The following SLC35F3 variants were observed in gnomAD, a reference collection of about 807,000 sequenced individuals.
SLC35F3 encodes the protein putative thiamine transporter SLC35F3.
A neutral mutation model predicts 49.9 loss-of-function variants in SLC35F3; 25 were observed. The observed-to-expected ratio is 0.50, with a 90% CI of 0.37 to 0.70. SLC35F3 has a LOEUF of 0.70. Ranked by LOEUF, SLC35F3 falls within the 30% of genes least tolerant of loss-of-function variation. The pLI is 0.00. For synonymous variants in SLC35F3, 275 were observed against 265.4 expected, an observed-to-expected ratio of 1.04 and a Z score of -0.35; for missense variants, 525 against 639.8, an observed-to-expected ratio of 0.82 and a Z score of 1.94.
intron 2 of SLC35F3, among the ~76,000 whole-genome samples, chr1:234,117,602 A>G (rs1166945301): frequency 5.5e-5 from 8 of 144,588 alleles, no homozygotes; most frequent in Admixed American, 1.4e-4. Context: ...AAAAAAAAAA[A>G]CAGGCTGGGC....
At chr1:234,206,408 G>T (rs763932992) in intron 2 of SLC35F3, among the ~76,000 whole-genome samples, 40 of 147,892 alleles carry the variant, frequency 2.7e-4, no homozygotes, top group Admixed American at 1.4e-4. Flanking sequence ...CACCCAAAGG[G>T]TTCTCACTGT....
At chr1:234,146,885 A>G (rs969901103) in intron 2 of SLC35F3, among the ~76,000 whole-genome samples, 2 of 151,898 alleles carry the variant, frequency 1.3e-5, no homozygotes, top group African/African-American at 4.8e-5. Context: ...ACTTTTTTCT[A>G]TGTGTTTTGG....
chr1:234,108,662 TATA>T (rs1480560282), intron 2 of SLC35F3, among the ~76,000 whole-genome samples: 2 of 100,108 alleles, frequency 2.0e-5, no homozygotes, highest in African/African-American at 3.2e-5. Flanking sequence ...TATATTTATA[TATA>T]TAAAAGATAT....
At chr1:234,322,409 TAAAGAA>T (rs1657642732) in intron 7 of SLC35F3, among the ~76,000 whole-genome samples, 1 of 152,180 alleles carries the variant, frequency 6.6e-6, no homozygotes, top group African/African-American at 2.4e-5. Context: ...ACAATAAAGT[TAAAGAA>T]AAGAAAATGT....
chr1:234,320,284 ACACATACACT>A lies in SLC35F3; in HGVS notation c.1237+107_1237+116del, dbSNP rs1233058541. 20 of 826,872 alleles carry A rather than the reference ACACATACACT, an allele frequency of 2.4e-5. No homozygotes were observed. Among genetic ancestry groups the A allele is most frequent in the East Asian group, 2.0e-4 (8 of 40,672 alleles). The allele number at this position is 826,872 out of a possible 1,614,324, so 51.2% of individuals were successfully genotyped here. On this transcript the variant is annotated intron_variant, in intron 7 of 7. Transcript: ENST00000366618. The surrounding 1 kb of genome is among the most constrained non-coding windows in gnomAD (Gnocchi z 4.8). ...CACACTCATGCATACATACACACTC[ACACATACACT>A]CACATACACACACTCATGCATACAC...
chr1:234,295,600 T>A (rs1400579648), intron 3 of SLC35F3, among the ~76,000 whole-genome samples: 3 of 152,238 alleles, frequency 2.0e-5, no homozygotes, highest in South Asian at 2.1e-4. Context: ...ACTGTTAGAA[T>A]CCTAGATCCC....
chr1:234,125,145 G>T (rs1455710854), intron 2 of SLC35F3, among the ~76,000 whole-genome samples: 1 of 152,126 alleles, frequency 6.6e-6, no homozygotes, highest in Non-Finnish European at 1.5e-5. Flanking sequence ...CTAGGACACA[G>T]TGTCAAGTGA....
At position 234,207,156 on chromosome 1, in the gene SLC35F3, T is replaced by A. The variant is rs559778316; in HGVS notation, c.284-24261T>A. Reference sequence around the variant, plus strand: ...TTTCCGAACTAAATGGCATCTGATCTCCCTCCTCACCTTGAGTCCAGTGCC... The same window carrying A: ...TTTCCGAACTAAATGGCATCTGATCACCCTCCTCACCTTGAGTCCAGTGCC... On this transcript the variant is annotated intron_variant, in intron 2 of 7. Transcript: ENST00000366618. 2.3e-4 allele frequency among the ~76,000 whole-genome samples: 35 copies of A among 151,826 alleles called. No homozygotes were observed. In the South Asian group the frequency reaches 6.3e-3, roughly 27 times the overall value.
intron 2 of SLC35F3, among the ~76,000 whole-genome samples, chr1:234,057,377 G>C (rs906327328): frequency 1.3e-5 from 2 of 151,914 alleles, no homozygotes; most frequent in Non-Finnish European, 2.9e-5. Flanking sequence ...CACTTCATTT[G>C]TTGAATTTAT....
At chr1:234,210,302 A>G (rs1483848786) in intron 2 of SLC35F3, among the ~76,000 whole-genome samples, 1 of 152,158 alleles carries the variant, frequency 6.6e-6, no homozygotes, top group Non-Finnish European at 1.5e-5. Context: ...ATGGGCTAAT[A>G]TAGTAAATTG....
intron 2 of SLC35F3, among the ~76,000 whole-genome samples, chr1:234,070,565 CTG>C (rs1664697250): frequency 6.6e-6 from 1 of 152,154 alleles, no homozygotes; most frequent in African/African-American, 2.4e-5. Flanking sequence ...TATTATGCCT[CTG>C]TCCCATAGAC....
At chr1:233,995,451 A>G (rs1250935475) in intron 2 of SLC35F3, among the ~76,000 whole-genome samples, 1 of 152,100 alleles carries the variant, frequency 6.6e-6, no homozygotes, top group African/African-American at 2.4e-5. Flanking sequence ...GTATATTCCC[A>G]TATTCATGGG....
intron 2 of SLC35F3, among the ~76,000 whole-genome samples, chr1:234,207,398 CCTCCCTCCCTCCTTCCTTT>C (rs1172341187): frequency 1.0e-3 from 27 of 26,750 alleles, no homozygotes; most frequent in African/African-American, 2.1e-3. Flanking sequence ...ATCCTTCCTT[CCTCCCTCCCTCCTTCCTTT>C]CTCCCTCCCT....
intron 2 of SLC35F3, among the ~76,000 whole-genome samples, chr1:233,995,565 A>T (rs1458124865): frequency 6.6e-6 from 1 of 152,216 alleles, no homozygotes. Context: ...TCTGTGATAA[A>T]GTCAGCCAGG....
At chr1:234,221,352 C>A (rs1399377766) in intron 2 of SLC35F3, among the ~76,000 whole-genome samples, 1 of 152,060 alleles carries the variant, frequency 6.6e-6, no homozygotes, top group Non-Finnish European at 1.5e-5. Context: ...ATGATTGATG[C>A]AACAATTAAT....
intron 3 of SLC35F3, among the ~76,000 whole-genome samples, chr1:234,271,325 A>T (rs966973040): frequency 6.6e-6 from 1 of 152,154 alleles, no homozygotes; most frequent in African/African-American, 2.4e-5. Context: ...TGAAGCATAT[A>T]CAGGGCACCT....
At position 233,944,562 on chromosome 1, in the gene SLC35F3, G is replaced by A. The variant is rs537125922; in HGVS notation, c.283+38804G>A. 7.9e-5 allele frequency among the ~76,000 whole-genome samples: 12 copies of A among 152,254 alleles called. No homozygotes were observed. The East Asian group carries it at 2.3e-3, about 29-fold the overall frequency. On this transcript the variant is annotated intron_variant, in intron 2 of 7. Transcript: ENST00000366618. ...TCGAAGGTGCAGCTCGGGAGTTCCG[G>A]TACCTCTGGATTGACTGTGTTTTTA...
intron 2 of SLC35F3, among the ~76,000 whole-genome samples, chr1:234,165,617 C>T (rs1244706803): frequency 6.6e-6 from 1 of 152,146 alleles, no homozygotes; most frequent in East Asian, 1.9e-4. Context: ...AATTCCTGGG[C>T]TCAAGCCATC....
At chr1:234,322,145 G>A (rs1657636203) in intron 7 of SLC35F3, among the ~76,000 whole-genome samples, 1 of 150,902 alleles carries the variant, frequency 6.6e-6, no homozygotes, top group African/African-American at 2.4e-5. Context: ...AGTGAGCCCT[G>A]ATGGCACCAC....
Sources: allele counts gnomAD v4.1 joint callset (sites outside exome capture counted in the v4.1 genomes callset), GRCh38; gene constraint gnomAD v4.1.1; non-coding constraint Gnocchi (gnomAD v3.1); transcripts MANE v1.5; gene names NCBI Gene and HGNC (gene_info 2026-07-23, HGNC 2026-07-21).